GBE1: variants seen among roughly 807,000 people sequenced by gnomAD.
GBE1 encodes the protein 1,4-alpha-glucan branching enzyme 1.
In GBE1, 70 loss-of-function variants were observed where a neutral mutation model predicts 88.8. The observed-to-expected ratio is 0.79, with a 90% CI of 0.65 to 0.96. GBE1 has a LOEUF of 0.96. Among genes scored for constraint, GBE1 ranks in the 40% least tolerant of loss-of-function variants. The pLI, the probability that GBE1 is intolerant of heterozygous loss-of-function variation, is 0.00. For missense variants in GBE1, 872 were observed against 871.0 expected, an observed-to-expected ratio of 1.00 and a Z score of -0.01; for synonymous variants, 284 against 300.1, an observed-to-expected ratio of 0.95 and a Z score of 0.56.
intron 7 of GBE1, among the ~76,000 whole-genome samples, chr3:81,614,661 C>T (rs1391562814): frequency 6.6e-6 from 1 of 152,094 alleles, no homozygotes; most frequent in Admixed American, 6.5e-5. Flanking sequence ...AGATCCAGAC[C>T]AGCCTGGCCA....
intron 12 of GBE1, among the ~76,000 whole-genome samples, chr3:81,559,191 C>A (rs1308997074): frequency 6.6e-6 from 1 of 151,880 alleles, no homozygotes; most frequent in Non-Finnish European, 1.5e-5. Flanking sequence ...TTTTATTTTA[C>A]AAAGTAGAAC....
chr3:81,628,742 C>CATATAT (rs71108330), intron 7 of GBE1, among the ~76,000 whole-genome samples: 3,323 of 64,748 alleles, frequency 0.051, 241 homozygotes, highest in East Asian at 0.072. Flanking sequence ...AGAACAATTG[C>CATATAT]ATATATATAT....
intron 14 of GBE1, chr3:81,534,978 C>T (rs1703055493): frequency 4.3e-6 from 2 of 469,076 alleles, no homozygotes; most frequent in Non-Finnish European, 7.5e-6. Flanking sequence ...GCACTAACCC[C>T]TCTGTTTAAA....
At chr3:81,525,945 G>T (rs1702938036) in intron 14 of GBE1, among the ~76,000 whole-genome samples, 1 of 151,846 alleles carries the variant, frequency 6.6e-6, no homozygotes, top group African/African-American at 2.4e-5. Context: ...AGTCTTCCTA[G>T]CGGTCTATCA....
intron 12 of GBE1, among the ~76,000 whole-genome samples, chr3:81,554,333 T>A (rs1326988911): frequency 6.6e-6 from 1 of 152,292 alleles, no homozygotes; most frequent in South Asian, 2.1e-4. Context: ...AACTGAAAGA[T>A]TCCACACCAT....
chr3:81,533,993 G>A (rs934339680), intron 14 of GBE1, among the ~76,000 whole-genome samples: 1 of 151,982 alleles, frequency 6.6e-6, no homozygotes, highest in Non-Finnish European at 1.5e-5. Flanking sequence ...TTTTTATTAT[G>A]TGACAAATAC....
At chr3:81,671,310 A>G (rs1705186195) in intron 2 of GBE1, among the ~76,000 whole-genome samples, 2 of 152,166 alleles carry the variant, frequency 1.3e-5, no homozygotes, top group African/African-American at 2.4e-5. Flanking sequence ...GAACAAACAA[A>G]TGTACATGCC....
chr3:81,547,339 C>T (rs370745582), intron 12 of GBE1, among the ~76,000 whole-genome samples: 2 of 151,640 alleles, frequency 1.3e-5, no homozygotes, highest in East Asian at 3.9e-4. Flanking sequence ...GGGTTCAGCA[C>T]TATGGGATGT....
chr3:81,530,065 GCTCA>G (rs913693961), intron 14 of GBE1, among the ~76,000 whole-genome samples: 1 of 151,414 alleles, frequency 6.6e-6, no homozygotes, highest in African/African-American at 2.4e-5. Flanking sequence ...TTGTCTTCAA[GCTCA>G]CTAATTCTTC....
chr3:81,732,491 C>G (rs569073439), intron 1 of GBE1, among the ~76,000 whole-genome samples: 1 of 152,252 alleles, frequency 6.6e-6, no homozygotes, highest in South Asian at 2.1e-4. Flanking sequence ...GCCCAGGTCA[C>G]TTAAATTTTT....
intron 7 of GBE1, among the ~76,000 whole-genome samples, chr3:81,604,640 T>A (rs1052049454): frequency 6.6e-6 from 1 of 152,116 alleles, no homozygotes; most frequent in East Asian, 1.9e-4. Flanking sequence ...AGTTAAATAA[T>A]GTTTTCATAG....
chr3:81,493,234 A>G (rs1324634828), intron 15 of GBE1, among the ~76,000 whole-genome samples: 1 of 152,170 alleles, frequency 6.6e-6, no homozygotes, highest in Non-Finnish European at 1.5e-5. Context: ...TTTCTCTTAT[A>G]GAGTATTGTC....
intron 1 of GBE1, among the ~76,000 whole-genome samples, chr3:81,745,970 T>C (rs1445576244): frequency 6.6e-6 from 1 of 152,152 alleles, no homozygotes; most frequent in Non-Finnish European, 1.5e-5. Flanking sequence ...AATATTGGAA[T>C]AAACTAAAGG....
chr3:81,747,692 T>C lies in GBE1; in HGVS notation c.143+13683A>G, dbSNP rs1342441521. Among the ~76,000 whole-genome samples the C allele has an allele frequency of 2.0e-5, 3 of 152,160 alleles. 1 individual carries two copies. The highest frequency in any genetic ancestry group is 1.5e-5 in the Non-Finnish European group (1 of 68,026). On this transcript the variant is annotated intron_variant, in intron 1 of 15. Coordinates refer to ENST00000429644, the MANE Select transcript of GBE1 (RefSeq NM_000158.4). ...GCCTTAGCTGATGACATTCCACCAT[T>C]GTGATTTGTTCCTGGCCCACCTTAA...
chr3:81,649,024 C>T (rs1434269959), intron 4 of GBE1, 33 bp from the exon 5 acceptor site: 1 of 1,464,466 alleles, frequency 6.8e-7, no homozygotes, highest in South Asian at 1.3e-5. Flanking sequence ...TAGAGTTAAG[C>T]CAGGAATTCT....
At chr3:81,543,986 T>C (rs1703173239) in intron 12 of GBE1, among the ~76,000 whole-genome samples, 1 of 152,158 alleles carries the variant, frequency 6.6e-6, no homozygotes, top group African/African-American at 2.4e-5. Flanking sequence ...TTCTAATGAT[T>C]TTCTAATATT....
intron 1 of GBE1, among the ~76,000 whole-genome samples, chr3:81,734,042 A>G (rs1706222537): frequency 6.6e-6 from 1 of 152,230 alleles, no homozygotes; most frequent in Non-Finnish European, 1.5e-5. Context: ...AGCATTAGGT[A>G]TAATCAATCA....
rs1269189934 is a variant in GBE1 at position 81,591,090 on chromosome 3, A to C, written c.1183T>G (p.Leu395Val). Residue 395 changes from leucine to valine, a missense_variant, in exon 9 of 16, where the codon TTG (leucine) becomes GTG (valine). Coordinates refer to ENST00000429644, the MANE Select transcript of GBE1 (RefSeq NM_000158.4). The stretch of plus-strand genomic sequence containing the variant: ...AGCGTGTGAACCAAATGATTTGCCA[A>C]CATGAGGTAAGTCAAGGCATCTTCA... The part of the protein sequence containing the change: ...VDEDALTYLM[L>V]ANHLVHTLCP... 4 of 1,610,032 alleles carry C rather than the reference A, an allele frequency of 2.5e-6. No individual in the cohort carries two copies. The highest frequency in any genetic ancestry group is 2.5e-6 in the Non-Finnish European group (3 of 1,177,752).
At chr3:81,743,158 A>G (rs1251239832) in intron 1 of GBE1, among the ~76,000 whole-genome samples, 1 of 152,124 alleles carries the variant, frequency 6.6e-6, no homozygotes, top group Non-Finnish European at 1.5e-5. Flanking sequence ...GTGAGTCAGC[A>G]CGTACTAAAC....
Sources: gnomAD v4.1 joint callset for allele counts (sites outside exome capture counted in the v4.1 genomes callset) on GRCh38, gnomAD v4.1.1 for gene constraint, MANE v1.5 for transcripts, NCBI Gene and HGNC (gene_info 2026-07-23, HGNC 2026-07-21) for gene names.